The following PDE1C variants were observed in gnomAD, a reference collection of about 807,000 sequenced individuals.
PDE1C encodes the protein dual specificity calcium/calmodulin-dependent 3',5'-cyclic nucleotide phosphodiesterase 1C.
Under a neutral mutation model 93.1 loss-of-function variants are expected in PDE1C, and 62 were observed. The observed-to-expected ratio is 0.67, with a 90% CI of 0.54 to 0.82. PDE1C has a LOEUF of 0.82. Among genes scored for constraint, PDE1C ranks in the 40% least tolerant of loss-of-function variants. The pLI is 0.00. For missense variants in PDE1C, 742 were observed against 884.6 expected (o/e 0.84, Z 2.04); for synonymous variants, 325 against 310.1 (o/e 1.05, Z -0.50).
intron 1 of PDE1C, among the ~76,000 whole-genome samples, chr7:32,346,663 T>C (rs1307136813): frequency 6.6e-6 from 1 of 152,264 alleles, no homozygotes; most frequent in Non-Finnish European, 1.5e-5. Flanking sequence ...AATGTTTTCC[T>C]GCTTTTTGAA....
At chr7:31,890,995 C>T (rs1406554973) in intron 2 of PDE1C, among the ~76,000 whole-genome samples, 2 of 152,132 alleles carry the variant, frequency 1.3e-5, no homozygotes, top group Non-Finnish European at 2.9e-5. Flanking sequence ...TCCCTCCACT[C>T]CACTTCCTCC....
At chr7:31,642,014 C>T in the PDE1C span, among the ~76,000 whole-genome samples, 41 of 152,192 alleles carry the variant, frequency 2.7e-4, no homozygotes, top group African/African-American at 9.6e-4. Context: ...CTCTGACAAT[C>T]GAGAAAAAAA....
chr7:32,426,366 TG>T (rs1245513125), intron 1 of PDE1C, among the ~76,000 whole-genome samples: 13 of 151,690 alleles, frequency 8.6e-5, no homozygotes, highest in African/African-American at 2.2e-4. Flanking sequence ...CTCGACCTCC[TG>T]GGATTAAGCT....
the PDE1C span, among the ~76,000 whole-genome samples, chr7:31,647,987 G>A: frequency 1.3e-5 from 2 of 151,710 alleles, no homozygotes; most frequent in Admixed American, 1.3e-4. Flanking sequence ...ATGGTTTGTT[G>A]GTATAACTAA....
chr7:32,075,824 G>T (rs1796318276), upstream of PDE1C, among the ~76,000 whole-genome samples: 1 of 152,120 alleles, frequency 6.6e-6, no homozygotes, highest in African/African-American at 2.4e-5. Flanking sequence ...TCCTTCAGTT[G>T]CTCCCACAAG....
intron 3 of PDE1C, among the ~76,000 whole-genome samples, chr7:32,088,585 C>G (rs924310740): frequency 3.3e-5 from 5 of 152,220 alleles, no homozygotes; most frequent in African/African-American, 9.6e-5. Context: ...TCCCATCAGA[C>G]GACGCTTTGC....
intron 1 of PDE1C, among the ~76,000 whole-genome samples, chr7:32,419,331 A>G (rs2128099291): frequency 6.6e-6 from 1 of 152,350 alleles, no homozygotes; most frequent in South Asian, 2.1e-4. Flanking sequence ...CTTGCTAAAA[A>G]GAGTACTCAA....
chr7:31,644,284 A>G, the PDE1C span, among the ~76,000 whole-genome samples: 3 of 78,514 alleles, frequency 3.8e-5, no homozygotes, highest in Non-Finnish European at 9.5e-5. Context: ...CTCCAGTTCT[A>G]GCTGAGAAGT....
chr7:31,644,026 C>T, the PDE1C span: 56 of 1,384,524 alleles, frequency 4.0e-5, no homozygotes, highest in Admixed American at 6.8e-5. Flanking sequence ...AATATTCAGA[C>T]TTCCTTGCTG....
intron 2 of PDE1C, among the ~76,000 whole-genome samples, chr7:31,894,638 T>C (rs963258850): frequency 6.6e-6 from 1 of 152,182 alleles, no homozygotes; most frequent in African/African-American, 2.4e-5. Flanking sequence ...AGAAATTCCA[T>C]TGGAATCAGA....
exon 1 of PDE1C, chr7:32,298,823 CG>C: frequency 6.8e-7 from 1 of 1,475,044 alleles, no homozygotes. Flanking sequence ...CGGGGCTCGG[CG>C]GCGAATCCTC....
intron 1 of PDE1C, among the ~76,000 whole-genome samples, chr7:32,418,583 C>A (rs191765161): frequency 6.6e-6 from 1 of 151,996 alleles, no homozygotes; most frequent in Non-Finnish European, 1.5e-5. Context: ...TGGGAAGATA[C>A]GGCAGCACAC....
At chr7:32,234,642 AT>A (rs1396686686) in intron 1 of PDE1C, among the ~76,000 whole-genome samples, 1 of 152,058 alleles carries the variant, frequency 6.6e-6, no homozygotes, top group Non-Finnish European at 1.5e-5. Context: ...TATGAAAAAA[AT>A]ATTCCAAGTC....
chr7:31,654,797 A>C, the PDE1C span, among the ~76,000 whole-genome samples: 101 of 152,278 alleles, frequency 6.6e-4, 1 homozygote, highest in African/African-American at 2.3e-3. Context: ...GTCAAAGGAG[A>C]GGTCACTTCT....
intron 3 of PDE1C, among the ~76,000 whole-genome samples, chr7:32,136,819 C>T (rs6947433): frequency 0.2 from 30,796 of 152,134 alleles, 3,766 homozygotes; most frequent in Middle Eastern, 0.3. Context: ...CTGGGCCTAA[C>T]ACAATCTAAA....
chr7:31,974,524 T>C (rs1011109609), intron 2 of PDE1C, among the ~76,000 whole-genome samples: 2 of 152,064 alleles, frequency 1.3e-5, no homozygotes, highest in African/African-American at 4.8e-5. Context: ...CCCACTGAAA[T>C]GATGGCACTG....
At chr7:31,620,888 TAAC>T in the PDE1C span, among the ~76,000 whole-genome samples, 1 of 151,922 alleles carries the variant, frequency 6.6e-6, no homozygotes, top group East Asian at 1.9e-4. Flanking sequence ...ATAACTAGAA[TAAC>T]CAATACAGAG....
rs150031349 is a variant in PDE1C, at chr7:32,022,746, T to C, written c.128+28808A>G. Among the ~76,000 whole-genome samples, 3 of 151,888 alleles carry C rather than the reference T, an allele frequency of 2.0e-5. No individual in the cohort carries two copies. The East Asian group carries it at 5.8e-4, about 30-fold the overall frequency. ...ATTCCTATTGCAAATTACACCTCTA[T>C]CTCTGAAAAGGACCTCCTGGGAAAG... On this transcript the variant is annotated intron_variant, in intron 2 of 17. Coordinates refer to ENST00000396191, the MANE Select transcript of PDE1C (RefSeq NM_001191057.4).
chr7:31,873,271 T>A (rs748364189), intron 6 of PDE1C, 21 bp downstream of exon 6: 1 of 1,405,834 alleles, frequency 7.1e-7, no homozygotes, highest in Admixed American at 1.8e-5. Context: ...ATTTATTTTT[T>A]CTTTTTAAAG....
Sources: gnomAD v4.1 joint callset for allele counts (sites outside exome capture counted in the v4.1 genomes callset) on GRCh38, gnomAD v4.1.1 for gene constraint, MANE v1.5 for transcripts, NCBI Gene and HGNC (gene_info 2026-07-23, HGNC 2026-07-21) for gene names.